Variants in CYP7B1 observed in about 807,000 individuals in gnomAD.
CYP7B1 encodes the protein cytochrome P450 family 7 subfamily B member 1.
CYP7B1 carries 29 observed loss-of-function variants against 42.7 expected under a neutral mutation model. The observed-to-expected ratio is 0.68, with a 90% confidence interval of 0.51 to 0.93. The LOEUF (loss-of-function observed/expected upper bound fraction) is 0.93. Among genes scored for constraint, CYP7B1 ranks in the 40% least tolerant of loss-of-function variants. The pLI is 0.00. For synonymous variants in CYP7B1, 235 were observed against 218.2 expected (o/e 1.08, Z -0.68); for missense variants, 655 against 600.5 (o/e 1.09, Z -0.95).
intron 1 of CYP7B1, among the ~76,000 whole-genome samples, chr8:64,691,158 C>T (rs1272328804): frequency 6.6e-6 from 1 of 152,122 alleles, no homozygotes; most frequent in Non-Finnish European, 1.5e-5. Context: ...TTCAAAAAGT[C>T]TCAATAGACA....
chr8:64,733,355 T>C (rs1219540871), intron 1 of CYP7B1, among the ~76,000 whole-genome samples: 2 of 152,170 alleles, frequency 1.3e-5, no homozygotes, highest in African/African-American at 4.8e-5. Context: ...CCCTCTCCAG[T>C]GGATACACAG....
chr8:64,615,372 G>T, intron 3 of CYP7B1, 140 bp from the exon 4 acceptor site: 1 of 761,166 alleles, frequency 1.3e-6, no homozygotes, highest in Non-Finnish European at 2.1e-6. Context: ...GGCTTCTGAA[G>T]TCTAATTTTC....
At chr8:64,646,365 C>G (rs1805954376) in intron 1 of CYP7B1, among the ~76,000 whole-genome samples, 1 of 152,118 alleles carries the variant, frequency 6.6e-6, no homozygotes, top group Non-Finnish European at 1.5e-5. Flanking sequence ...AAAAAACAAA[C>G]AACCCCATCA....
intron 1 of CYP7B1, among the ~76,000 whole-genome samples, chr8:64,756,995 C>T (rs1198411981): frequency 6.6e-6 from 1 of 152,136 alleles, no homozygotes; most frequent in Non-Finnish European, 1.5e-5. Flanking sequence ...TGGAGACCAG[C>T]CAGGTCTCCA....
chr8:64,719,133 G>C (rs1323822170), intron 1 of CYP7B1, among the ~76,000 whole-genome samples: 1 of 152,144 alleles, frequency 6.6e-6, no homozygotes, highest in African/African-American at 2.4e-5. Context: ...AATTTGAAGA[G>C]AGCATATAAA....
At chr8:64,630,180 A>C (rs1805669014) in intron 1 of CYP7B1, among the ~76,000 whole-genome samples, 1 of 150,048 alleles carries the variant, frequency 6.7e-6, no homozygotes, top group South Asian at 2.1e-4. Context: ...ACATTTTATT[A>C]AATAGTTTTA....
intron 1 of CYP7B1, among the ~76,000 whole-genome samples, chr8:64,697,038 T>C (rs73243409): frequency 0.017 from 2,661 of 152,238 alleles, 73 homozygotes; most frequent in African/African-American, 0.059. Context: ...CAAAGTTAAA[T>C]CACACAGGGG....
intron 1 of CYP7B1, among the ~76,000 whole-genome samples, chr8:64,760,897 C>T (rs1000029439): frequency 1.3e-5 from 2 of 152,100 alleles, no homozygotes; most frequent in African/African-American, 4.8e-5. Context: ...GATATCTGCA[C>T]TCCAGTGTTC....
At chr8:64,630,121 C>A (rs1422845537) in intron 1 of CYP7B1, among the ~76,000 whole-genome samples, 1 of 152,162 alleles carries the variant, frequency 6.6e-6, no homozygotes, top group African/African-American at 2.4e-5. Context: ...AACATTTGCA[C>A]AACAGGACTC....
At chr8:64,699,064 T>C (rs1336657467) in intron 1 of CYP7B1, among the ~76,000 whole-genome samples, 2 of 152,180 alleles carry the variant, frequency 1.3e-5, no homozygotes, top group Admixed American at 6.5e-5. Flanking sequence ...TTAGAGATGA[T>C]TGCAGGCCAC....
At chr8:64,675,914 A>G (rs1444345868) in intron 1 of CYP7B1, among the ~76,000 whole-genome samples, 5 of 152,132 alleles carry the variant, frequency 3.3e-5, no homozygotes, top group Non-Finnish European at 7.4e-5. Context: ...TCCTAGGACC[A>G]TACACCCCCA....
Position 64,591,310 on chromosome 8 carries a change from C to T in CYP7B1, c.*5332G>A, listed in dbSNP as rs947527606. ...AAAATAGTGCTACAGAGAATGTCAT[C>T]TTGGCTTGCTAACTTTTTCTGAATT... On this transcript the variant is annotated 3_prime_UTR_variant, in exon 6 of 6. Coordinates refer to ENST00000310193, the MANE Select transcript of CYP7B1 (RefSeq NM_004820.5). Among the ~76,000 whole-genome samples the T allele has an allele frequency of 2.6e-5, 4 of 152,238 alleles. No individual in the cohort carries two copies. The highest frequency in any genetic ancestry group is 1.3e-4 in the Admixed American group (2 of 15,290).
chr8:64,688,182 G>A (rs1030271324), intron 1 of CYP7B1, among the ~76,000 whole-genome samples: 1 of 152,160 alleles, frequency 6.6e-6, no homozygotes, highest in African/African-American at 2.4e-5. Context: ...TTCAGGCTGG[G>A]TCACTACATC....
At chr8:64,788,942 A>T (rs1171304374) in intron 1 of CYP7B1, among the ~76,000 whole-genome samples, 1 of 152,100 alleles carries the variant, frequency 6.6e-6, no homozygotes, top group African/African-American at 2.4e-5. Flanking sequence ...TTATTTTCAG[A>T]TGCAGTCTCA....
intron 1 of CYP7B1, among the ~76,000 whole-genome samples, chr8:64,723,276 A>C (rs1807272900): frequency 6.6e-6 from 1 of 152,216 alleles, no homozygotes; most frequent in Admixed American, 6.5e-5. Flanking sequence ...ACACAAGATA[A>C]AATCAGTAGC....
chr8:64,616,201 A>G lies in CYP7B1; in HGVS notation c.340T>C (p.Phe114Leu). ...KNHKQLSFRV[F>L]SNKLLEKAFS... is the part of the protein sequence containing the mutation. Reference sequence around the variant, plus strand: ...GCTTTCTCTAATAATTTATTAGAAAATACTCGAAAGCTTAATTGTTTATGA... The same window carrying G: ...GCTTTCTCTAATAATTTATTAGAAAGTACTCGAAAGCTTAATTGTTTATGA... The change falls in exon 3 of 6, where the codon TTT becomes CTT. Residue 114 changes from phenylalanine to leucine, a missense_variant. Physicochemically the swap from Phe to Leu is conservative, Grantham distance 22. Transcript: ENST00000310193. 2.5e-6 allele frequency: 4 copies of G among 1,611,906 alleles called. No homozygotes were observed. The highest frequency in any genetic ancestry group is 3.4e-6 in the Non-Finnish European group (4 of 1,178,944).
intron 1 of CYP7B1, among the ~76,000 whole-genome samples, chr8:64,742,940 T>C (rs901288916): frequency 6.6e-6 from 1 of 152,248 alleles, no homozygotes; most frequent in African/African-American, 2.4e-5. Context: ...ATGCTAGGGT[T>C]CATTATAATT....
chr8:64,786,499 A>C (rs1322470565), intron 1 of CYP7B1, among the ~76,000 whole-genome samples: 1 of 152,214 alleles, frequency 6.6e-6, no homozygotes, highest in Non-Finnish European at 1.5e-5. Flanking sequence ...TGTTGACTCC[A>C]TGTCTCACAT....
intron 1 of CYP7B1, among the ~76,000 whole-genome samples, chr8:64,763,498 G>A (rs567409747): frequency 4.6e-5 from 7 of 152,220 alleles, no homozygotes; most frequent in Non-Finnish European, 7.3e-5. Context: ...AAAGCAGTGA[G>A]TAATATCCGA....
Sources: gnomAD v4.1 joint callset for allele counts (sites outside exome capture counted in the v4.1 genomes callset) on GRCh38, gnomAD v4.1.1 for gene constraint, MANE v1.5 for transcripts, NCBI Gene and HGNC (gene_info 2026-07-23, HGNC 2026-07-21) for gene names.